FAM81A: variants seen among roughly 807,000 people sequenced by gnomAD.
The protein encoded by FAM81A is protein FAM81A.
In FAM81A, 19 loss-of-function variants were observed where a neutral mutation model predicts 46.7. That is an observed-to-expected ratio of 0.41 (90% CI 0.28 to 0.60). The LOEUF (loss-of-function observed/expected upper bound fraction) is 0.60. Ranked by LOEUF, FAM81A falls within the 20% of genes least tolerant of loss-of-function variation. The pLI is 0.34. For missense variants in FAM81A, 377 were observed against 453.5 expected (o/e 0.83, Z 1.53); for synonymous variants, 183 against 152.9 (o/e 1.20, Z -1.45).
intron 3 of FAM81A, among the ~76,000 whole-genome samples, chr15:59,463,226 C>T (rs1402258295): frequency 6.6e-6 from 1 of 151,832 alleles, no homozygotes; most frequent in Non-Finnish European, 1.5e-5. Context: ...TTTTTTTCAT[C>T]TCGCTATCTT....
At chr15:59,435,202 G>C (rs1424805787), upstream of FAM81A, among the ~76,000 whole-genome samples, 2 of 151,672 alleles carry the variant, frequency 1.3e-5, no homozygotes, top group African/African-American at 2.4e-5. Flanking sequence ...CGGGAGAATT[G>C]CTTGAACCCG....
chr15:59,493,862 A>T (rs1416612275), intron 4 of FAM81A, among the ~76,000 whole-genome samples: 1 of 152,144 alleles, frequency 6.6e-6, no homozygotes, highest in African/African-American at 2.4e-5. Flanking sequence ...TGCTGGGATT[A>T]CAGGTGTGAG....
Position 59,460,405 on chromosome 15 carries a change from C to A in FAM81A, c.294+199C>A. The A allele has an allele frequency of 1.4e-6, 1 of 739,042 alleles. No homozygotes were observed. The highest frequency in any genetic ancestry group is 2.4e-6 in the Non-Finnish European group (1 of 421,388). The allele number at this position is 739,042 out of a possible 1,614,324, so 45.8% of individuals were successfully genotyped here. On this transcript the variant is annotated intron_variant, in intron 3 of 8. Coordinates refer to ENST00000288228, the MANE Select transcript of FAM81A (RefSeq NM_152450.3). The surrounding 1 kb of genome is among the most constrained non-coding windows in gnomAD (Gnocchi z 4.4). The stretch of plus-strand genomic sequence containing the variant: ...TTAAATTTATTCCAGTGTTTGATAA[C>A]AGTTACTGTTAGTGTTATGTTTAAT...
chr15:59,466,638 T>C (rs2081617135), intron 3 of FAM81A, among the ~76,000 whole-genome samples: 1 of 152,220 alleles, frequency 6.6e-6, no homozygotes, highest in Admixed American at 6.5e-5. Context: ...TGCAAAAATT[T>C]TCTCCCATTC....
intron 2 of FAM81A, among the ~76,000 whole-genome samples, chr15:59,421,733 A>ATCTATCTGTCTG (rs1943936042): frequency 2.5e-5 from 3 of 118,632 alleles, no homozygotes; most frequent in African/African-American, 9.4e-5. Context: ...CTGTCTGTCT[A>ATCTATCTGTCTG]TCTATCTATC....
intron 1 of FAM81A, chr15:59,401,200 A>G: frequency 1.2e-6 from 1 of 857,938 alleles, no homozygotes. Flanking sequence ...AGTCCTCAAT[A>G]ATTATATATG....
At chr15:59,444,148 CTG>C (rs2081330215) in intron 1 of FAM81A, 1 of 152,266 alleles carries the variant, frequency 6.6e-6, no homozygotes, top group Admixed American at 6.5e-5. Context: ...AGCGCAGGGG[CTG>C]TGTCTTGTTC....
intron 1 of FAM81A, chr15:59,401,703 T>C (rs1394606271): frequency 5.1e-6 from 4 of 779,456 alleles, no homozygotes; most frequent in Admixed American, 1.7e-5. Flanking sequence ...GAAAGTACTT[T>C]AGCTCGAGAT....
At chr15:59,425,002 T>A (rs548923214) in intron 2 of FAM81A, among the ~76,000 whole-genome samples, 1 of 152,320 alleles carries the variant, frequency 6.6e-6, no homozygotes, top group Non-Finnish European at 1.5e-5. Flanking sequence ...AACTTCAACA[T>A]ACATTCTCCT....
intron 1 of FAM81A, among the ~76,000 whole-genome samples, chr15:59,400,289 C>T (rs1048572057): frequency 6.6e-6 from 1 of 152,116 alleles, no homozygotes; most frequent in Non-Finnish European, 1.5e-5. Context: ...CTCTCCCTCC[C>T]CGCCCACATC....
intron 4 of FAM81A, among the ~76,000 whole-genome samples, chr15:59,495,573 A>G (rs1461464791): frequency 6.6e-6 from 1 of 152,182 alleles, no homozygotes; most frequent in East Asian, 1.9e-4. Flanking sequence ...CTCTATATTC[A>G]ACTTTTGAGG....
intron 3 of FAM81A, among the ~76,000 whole-genome samples, chr15:59,473,156 G>C (rs1458418824): frequency 6.6e-6 from 1 of 152,132 alleles, no homozygotes; most frequent in African/African-American, 2.4e-5. Context: ...TGGCAAAGAA[G>C]TACAGTAGGC....
chr15:59,445,860 T>C lies in FAM81A; in HGVS notation c.-78+7578T>C, dbSNP rs202008213. 1.4e-3 allele frequency among the ~76,000 whole-genome samples: 206 copies of C among 152,312 alleles called. 2 individuals carry two copies. The highest frequency in any genetic ancestry group is 1.5e-3 in the East Asian group (8 of 5,190). On this transcript the variant is annotated intron_variant, in intron 1 of 8. Coordinates refer to ENST00000288228, the MANE Select transcript of FAM81A (RefSeq NM_152450.3). ...TTTGGTAATGTATCTTTTCTAATGC[T>C]AGAAAGAAAAGTTGCCAAATATTGC...
chr15:59,415,921 T>C (rs1180809769), intron 2 of FAM81A, among the ~76,000 whole-genome samples: 1 of 152,222 alleles, frequency 6.6e-6, no homozygotes, highest in Non-Finnish European at 1.5e-5. Flanking sequence ...CTCAGTAGTT[T>C]ACAGAATCTC....
chr15:59,415,959 G>A (rs531338514), intron 2 of FAM81A, among the ~76,000 whole-genome samples: 2 of 152,318 alleles, frequency 1.3e-5, no homozygotes, highest in Middle Eastern at 3.4e-3. Flanking sequence ...GGGTTCTGGA[G>A]CACACAGCCA....
chr15:59,460,383 AATTT>A lies in FAM81A; in HGVS notation c.294+181_294+184del. On this transcript the variant is annotated intron_variant, in intron 3 of 8. Coordinates refer to ENST00000288228, the MANE Select transcript of FAM81A (RefSeq NM_152450.3). This position sits in a 1 kb window ranked among gnomAD's most constrained non-coding sequence, Gnocchi z 4.4. ...ACAGCTTGCAGAAATATCCTAATTA[AATTT>A]ATTCCAGTGTTTGATAACAGTTACT... The A allele has an allele frequency of 1.2e-6, 1 of 832,476 alleles. No individual in the cohort carries two copies. Among genetic ancestry groups the A allele is most frequent in the Non-Finnish European group, 2.0e-6 (1 of 495,552 alleles). 51.6% of individuals were successfully genotyped at this position (832,476 alleles called of 1,614,324 possible).
At chr15:59,400,260 GA>G (rs35538190) in intron 1 of FAM81A, among the ~76,000 whole-genome samples, 20,246 of 152,010 alleles carry the variant, frequency 0.13, 1,663 homozygotes, top group Middle Eastern at 0.23. Flanking sequence ...AGAAAGTCAG[GA>G]GTCAGCCCAA....
At chr15:59,520,854 G>C (rs775761488) in intron 8 of FAM81A, among the ~76,000 whole-genome samples, 1 of 152,134 alleles carries the variant, frequency 6.6e-6, no homozygotes, top group Non-Finnish European at 1.5e-5. Flanking sequence ...ATGAGCCACC[G>C]TACCAGGCCT....
intron 1 of FAM81A, among the ~76,000 whole-genome samples, chr15:59,449,503 C>T (rs1467152939): frequency 5.9e-5 from 9 of 152,112 alleles, no homozygotes; most frequent in Non-Finnish European, 1.2e-4. Context: ...CATTGTAGGC[C>T]GGGCACGGTG....
Sources: gnomAD v4.1 joint callset for allele counts (sites outside exome capture counted in the v4.1 genomes callset) on GRCh38, gnomAD v4.1.1 for gene constraint, Gnocchi (gnomAD v3.1) non-coding constraint, MANE v1.5 for transcripts, NCBI Gene and HGNC (gene_info 2026-07-23, HGNC 2026-07-21) for gene names.